The following PTPN21 variants were observed in gnomAD, a reference collection of about 807,000 sequenced individuals.
PTPN21 encodes tyrosine-protein phosphatase non-receptor type 21.
In PTPN21, 77 loss-of-function variants were observed where a neutral mutation model predicts 131.8. That is an observed-to-expected ratio of 0.58 (90% CI 0.49 to 0.71). PTPN21 has a LOEUF of 0.71. PTPN21 is among the 30% of genes least tolerant of loss of function. The pLI is 0.00. For missense variants in PTPN21, 1,552 were observed against 1,527.1 expected, an observed-to-expected ratio of 1.02 and a Z score of -0.27; for synonymous variants, 715 against 621.3, an observed-to-expected ratio of 1.15 and a Z score of -2.24.
Position 88,468,096 on chromosome 14 carries a change from A to G in PTPN21, c.*41T>C. 6.2e-7 allele frequency: 1 copy of G among 1,608,902 alleles called. No homozygotes were observed. Among genetic ancestry groups the G allele is most frequent in the Non-Finnish European group, 8.5e-7 (1 of 1,175,876 alleles). On this transcript the variant is annotated 3_prime_UTR_variant, in exon 19 of 19. Coordinates refer to ENST00000556564, the MANE Select transcript of PTPN21 (RefSeq NM_007039.4). Reference sequence around the variant, plus strand: ...GGCAAGCGCTTTTTTTTTAAGCTGTAAACGCTTCACATGACTGGCCCCGTA... The same window carrying G: ...GGCAAGCGCTTTTTTTTTAAGCTGTGAACGCTTCACATGACTGGCCCCGTA...
intron 2 of PTPN21, among the ~76,000 whole-genome samples, chr14:88,536,723 T>C (rs1274224185): frequency 6.6e-6 from 1 of 152,212 alleles, no homozygotes; most frequent in Non-Finnish European, 1.5e-5. Context: ...TTAAAGCCAC[T>C]GATGCATTGG....
intron 12 of PTPN21, among the ~76,000 whole-genome samples, chr14:88,480,772 T>C (rs2077642649): frequency 6.6e-6 from 1 of 152,184 alleles, no homozygotes; most frequent in African/African-American, 2.4e-5. Flanking sequence ...AAGCATTTCC[T>C]TAACTGGAAA....
intron 2 of PTPN21, among the ~76,000 whole-genome samples, chr14:88,539,352 C>T (rs771157824): frequency 5.3e-5 from 8 of 151,592 alleles, no homozygotes; most frequent in South Asian, 4.2e-4. Flanking sequence ...CAGGTTCAAG[C>T]GATTCTCCTG....
At chr14:88,490,798 A>G (rs2077811514) in intron 10 of PTPN21, among the ~76,000 whole-genome samples, 1 of 152,180 alleles carries the variant, frequency 6.6e-6, no homozygotes. Flanking sequence ...CTGAAATACA[A>G]GTTTCCCTTC....
chr14:88,468,509 AT>A (rs571275649), intron 18 of PTPN21, among the ~76,000 whole-genome samples: 5 of 152,290 alleles, frequency 3.3e-5, no homozygotes, highest in African/African-American at 4.8e-5. Flanking sequence ...CTGACTTTGT[AT>A]GGTTGGACAT....
intron 4 of PTPN21, 107 bp downstream of exon 4, chr14:88,507,816 C>T (rs1187602261): frequency 3.5e-6 from 2 of 566,444 alleles, no homozygotes; most frequent in Non-Finnish European, 5.7e-6. Context: ...AATATATAAA[C>T]ACTACTAAAG....
intron 7 of PTPN21, 191 bp from the exon 8 acceptor site, chr14:88,501,062 T>C: frequency 1.6e-6 from 1 of 640,100 alleles, no homozygotes; most frequent in Non-Finnish European, 2.8e-6. Context: ...AGTTTGGCCC[T>C]CCTTAGGAAC....
rs1260300821 is a variant in PTPN21, at chr14:88,472,379, C to G, written c.2736G>C (p.Glu912Asp). The change falls in exon 15 of 19, where the codon GAG becomes GAC. Residue 912 changes from glutamate (E) to aspartate (D), a missense_variant. Around this residue, in one of 4 missense-constraint regions of PTPN21, gnomAD observed 316 missense variants for 378.5 expected, o/e 0.83. Coordinates refer to ENST00000556564, the MANE Select transcript of PTPN21 (RefSeq NM_007039.4). The part of the protein sequence containing the change: ...RILKKRLVDG[E>D]CSTARLPENA... ...TTTCAGGGAGTCGTGCTGTTGAGCA[C>G]TCCCCATCAACTAGCCGTTTCTTAA... 2 of 1,613,800 alleles carry G rather than the reference C, an allele frequency of 1.2e-6. No individual in the cohort carries two copies. The highest frequency in any genetic ancestry group is 1.7e-6 in the Non-Finnish European group (2 of 1,179,706).
chr14:88,479,244 A>AG lies in PTPN21; in HGVS notation c.2186dup (p.Ala730CysfsTer124). Reference sequence around the variant, plus strand: ...CGGGCCGAGGCTCGCGCGCACGTGCAGGAGGCGCCCGGGCCCCGCTCTCCT... The same window carrying AG: ...CGGGCCGAGGCTCGCGCGCACGTGCAGGGAGGCGCCCGGGCCCCGCTCTCCT... On this transcript the variant is annotated frameshift_variant, in exon 13 of 19. Transcript: ENST00000556564. LOFTEE classifies it high-confidence loss of function. The AG allele has an allele frequency of 6.2e-7, 1 of 1,610,372 alleles. No individual in the cohort carries two copies.
chr14:88,526,685 G>A (rs1423608739), intron 2 of PTPN21, among the ~76,000 whole-genome samples: 1 of 151,452 alleles, frequency 6.6e-6, no homozygotes. Context: ...AATTTTTGGG[G>A]AACAGGTGGT....
intron 10 of PTPN21, among the ~76,000 whole-genome samples, chr14:88,490,012 C>CTTTT (rs757640728): frequency 0.022 from 3,173 of 143,016 alleles, 139 homozygotes; most frequent in African/African-American, 0.078. Flanking sequence ...GTGTGGTTTT[C>CTTTT]TTTTTTTTTT....
chr14:88,474,131 C>CAAAAAAAAAAAAAAAAAAAAA (rs754719071), intron 13 of PTPN21, among the ~76,000 whole-genome samples: 4 of 46,686 alleles, frequency 8.6e-5, no homozygotes, highest in Admixed American at 2.6e-4. Context: ...AGCTGAAGTC[C>CAAAAAAAAAAAAAAAAAAAAA]AAAAAAAAAA....
rs938417241 is a variant in PTPN21, at chr14:88,501,294, C to G, written c.662G>C (p.Ser221Thr). Residue 221 changes from serine (S) to threonine (T), a missense_variant, in exon 7 of 19, where the codon AGC becomes ACC. This residue lies in a region of PTPN21 where 14 missense variants were observed against 43.5 expected (regional missense o/e 0.32). Transcript: ENST00000556564. ...VERMDGYGEE[S>T]YPAKDSQGSD... The stretch of plus-strand genomic sequence containing the variant: ...AGCCACACTTACCTTAGCAGGGTAG[C>G]TCTCTTCTCCATAGCCATCCATTCT... The G allele has an allele frequency of 6.2e-7, 1 of 1,613,244 alleles. No homozygotes were observed. Among genetic ancestry groups the G allele is most frequent in the African/African-American group, 1.3e-5 (1 of 74,924 alleles).
chr14:88,484,836 T>C (rs2077708726), intron 12 of PTPN21, among the ~76,000 whole-genome samples: 1 of 152,058 alleles, frequency 6.6e-6, no homozygotes, highest in Admixed American at 6.6e-5. Flanking sequence ...TGCAGTGAGC[T>C]GAGACACGCC....
At position 88,479,941 on chromosome 14, in the gene PTPN21, C is replaced by T. The variant is rs1270814821; in HGVS notation, c.1490G>A (p.Arg497His). Residue 497 changes from arginine to histidine, a missense_variant, in exon 13 of 19, where the codon CGC becomes CAC. Physicochemically the swap from Arg to His is conservative, Grantham distance 29. Around this residue, in one of 4 missense-constraint regions of PTPN21, gnomAD observed 1,016 missense variants for 883.5 expected, o/e 1.15. Coordinates refer to ENST00000556564, the MANE Select transcript of PTPN21 (RefSeq NM_007039.4). ...TGGCGAGGGGAGCTGTGCGTGCTCGCGGATCTCGGGCTGGCTGTAGACCAG... is the reference window on the plus strand; with the variant it reads ...TGGCGAGGGGAGCTGTGCGTGCTCGTGGATCTCGGGCTGGCTGTAGACCAG... ...AALVYSQPEI[R>H]EHAQLPSPAA... 4.4e-6 allele frequency: 7 copies of T among 1,606,522 alleles called. No homozygotes were observed. The highest frequency in any genetic ancestry group is 1.3e-5 in the African/African-American group (1 of 75,010).
chr14:88,517,652 G>GTATATATATACAGGTGTATATATACA (rs2078294465), intron 2 of PTPN21, among the ~76,000 whole-genome samples: 2 of 139,236 alleles, frequency 1.4e-5, no homozygotes, highest in Admixed American at 7.3e-5. Context: ...TCATATATAT[G>GTATATATATACAGGTGTATATATACA]TATATATACA....
chr14:88,530,868 T>C (rs542368901), intron 2 of PTPN21, among the ~76,000 whole-genome samples: 4 of 152,192 alleles, frequency 2.6e-5, no homozygotes, highest in African/African-American at 9.6e-5. Context: ...CTGACAGCAC[T>C]AGACAGGTCA....
intron 10 of PTPN21, among the ~76,000 whole-genome samples, chr14:88,492,113 A>T (rs919079412): frequency 1.3e-5 from 2 of 152,148 alleles, no homozygotes; most frequent in African/African-American, 4.8e-5. Flanking sequence ...ATGGAAAGGG[A>T]TTATGTTTTA....
chr14:88,529,489 T>C (rs1023138440), intron 2 of PTPN21, among the ~76,000 whole-genome samples: 10 of 152,048 alleles, frequency 6.6e-5, no homozygotes, highest in Non-Finnish European at 1.3e-4. Context: ...ATAAGAATAA[T>C]TGGTATTCCT....
Sources: allele counts gnomAD v4.1 joint callset (sites outside exome capture counted in the v4.1 genomes callset), GRCh38; gene constraint gnomAD v4.1.1; regional missense constraint gnomAD v4.1.1; transcripts MANE v1.5; gene names NCBI Gene and HGNC (gene_info 2026-07-23, HGNC 2026-07-21).